Variants in TRPS1 observed in about 807,000 individuals in gnomAD.
The protein encoded by TRPS1 is transcriptional repressor GATA binding 1, also known as zinc finger transcription factor Trps1.
TRPS1 carries 6 observed loss-of-function variants against 101.2 expected under a neutral mutation model. The observed-to-expected ratio is 0.06, with a 90% confidence interval of 0.03 to 0.12. TRPS1 has a LOEUF of 0.12. Among genes scored for constraint, TRPS1 ranks in the 10% least tolerant of loss-of-function variants. The pLI is 1.00. For synonymous variants in TRPS1, 578 were observed against 589.8 expected (o/e 0.98, Z 0.29); for missense variants, 1,363 against 1,567.0 (o/e 0.87, Z 2.20).
rs151266519 is a variant in TRPS1 at position 115,489,420 on chromosome 8, G to A, written c.2701-70968C>T. Among the ~76,000 whole-genome samples the A allele has an allele frequency of 3.5e-3, 539 of 152,142 alleles. 7 individuals are homozygous for A. Among genetic ancestry groups the A allele is most frequent in the Non-Finnish European group, 5.3e-3 (357 of 67,990 alleles). On this transcript the variant is annotated intron_variant, in intron 5 of 6. Coordinates refer to ENST00000395715, the MANE Select transcript of TRPS1 (RefSeq NM_014112.5). The stretch of plus-strand genomic sequence containing the variant: ...GCAGAAAAAAACCACAGAATTTTTC[G>A]TGCAGTATGAAATCTTTCCCAGTTA...
At chr8:115,663,712 T>C (rs1405384487) in intron 1 of TRPS1, among the ~76,000 whole-genome samples, 1 of 130,032 alleles carries the variant, frequency 7.7e-6, no homozygotes, top group African/African-American at 3.8e-5. Context: ...ATTTGTGCTC[T>C]TGGAAAAGGA....
intron 2 of TRPS1, among the ~76,000 whole-genome samples, chr8:115,622,274 C>T (rs1319570744): frequency 2.0e-5 from 3 of 151,788 alleles, no homozygotes; most frequent in Admixed American, 2.0e-4. Context: ...TTTTAGGAGT[C>T]CTGTATTCTT....
At chr8:115,434,867 A>G (rs889083357) in intron 5 of TRPS1, among the ~76,000 whole-genome samples, 2 of 152,234 alleles carry the variant, frequency 1.3e-5, no homozygotes, top group Admixed American at 6.5e-5. Flanking sequence ...TATTTAATCA[A>G]TAAGGAAGAG....
intron 3 of TRPS1, among the ~76,000 whole-genome samples, chr8:115,612,937 A>C (rs1008412647): frequency 1.3e-5 from 2 of 152,168 alleles, no homozygotes; most frequent in Non-Finnish European, 2.9e-5. Context: ...TAAAACCTTA[A>C]TTACACAGCC....
intron 5 of TRPS1, among the ~76,000 whole-genome samples, chr8:115,463,741 T>TA (rs1431632159): frequency 6.6e-6 from 1 of 152,092 alleles, no homozygotes; most frequent in Non-Finnish European, 1.5e-5. Context: ...TTTAATAAAT[T>TA]AATATTTTGA....
intron 1 of TRPS1, among the ~76,000 whole-genome samples, chr8:115,658,131 C>T (rs995405491): frequency 3.9e-5 from 6 of 152,086 alleles, no homozygotes; most frequent in African/African-American, 1.4e-4. Flanking sequence ...CTAAAATCAA[C>T]GACATCATGC....
Position 115,587,898 on chromosome 8 carries a change from A to C in TRPS1, c.2097-294T>G, listed in dbSNP as rs1382341477. On this transcript the variant is annotated intron_variant, in intron 4 of 6. Coordinates refer to ENST00000395715, the MANE Select transcript of TRPS1 (RefSeq NM_014112.5). ...ACGCACGCTGCTCGTGCTTGTGCGC[A>C]TACATTCCAGGTGATTAGCATTAAA... Among the ~76,000 whole-genome samples the C allele has an allele frequency of 2.6e-5, 4 of 152,360 alleles. No homozygotes were observed. The East Asian group carries it at 7.7e-4, about 29-fold the overall frequency.
At chr8:115,664,415 T>C (rs1372854335) in intron 1 of TRPS1, among the ~76,000 whole-genome samples, 1 of 152,106 alleles carries the variant, frequency 6.6e-6, no homozygotes, top group Non-Finnish European at 1.5e-5. Context: ...AAAAATTCCA[T>C]AAATCATAAC....
At chr8:115,609,772 A>C (rs961826626) in intron 3 of TRPS1, among the ~76,000 whole-genome samples, 3 of 152,228 alleles carry the variant, frequency 2.0e-5, no homozygotes, top group South Asian at 2.1e-4. Flanking sequence ...GGCTTTTTAT[A>C]CTTGATTTTA....
chr8:115,578,304 C>T (rs913490206), intron 5 of TRPS1, among the ~76,000 whole-genome samples: 65 of 152,026 alleles, frequency 4.3e-4, no homozygotes, highest in African/African-American at 1.4e-3. Context: ...TATTTTATAC[C>T]TTAAAAATTA....
At chr8:115,533,276 C>T (rs1174327689) in intron 5 of TRPS1, among the ~76,000 whole-genome samples, 1 of 152,042 alleles carries the variant, frequency 6.6e-6, no homozygotes, top group Non-Finnish European at 1.5e-5. Flanking sequence ...TCCCACCACC[C>T]TCTGGTGAAT....
At chr8:115,459,342 T>TAATTAA (rs1344288793) in intron 5 of TRPS1, among the ~76,000 whole-genome samples, 1 of 151,760 alleles carries the variant, frequency 6.6e-6, no homozygotes, top group Non-Finnish European at 1.5e-5. Flanking sequence ...ATAATAATAA[T>TAATTAA]AATAATGATG....
At chr8:115,501,155 A>G (rs528200604) in intron 5 of TRPS1, among the ~76,000 whole-genome samples, 25 of 152,226 alleles carry the variant, frequency 1.6e-4, no homozygotes, top group Admixed American at 5.9e-4. Context: ...TAATACTAGA[A>G]TCTCAAATCA....
At chr8:115,578,805 C>T (rs1001329097) in intron 5 of TRPS1, among the ~76,000 whole-genome samples, 1 of 152,052 alleles carries the variant, frequency 6.6e-6, no homozygotes, top group Non-Finnish European at 1.5e-5. Context: ...CCAACTCTTT[C>T]GCAATAAGCA....
chr8:115,564,493 C>T (rs934094428), intron 5 of TRPS1, among the ~76,000 whole-genome samples: 3 of 152,030 alleles, frequency 2.0e-5, no homozygotes, highest in Non-Finnish European at 2.9e-5. Flanking sequence ...AAGCAAAAAT[C>T]AATTGTAACT....
In TRPS1 at chr8:115,478,129, T is replaced by A. The variant is rs368712383; in HGVS notation, c.2701-59677A>T. On this transcript the variant is annotated intron_variant, in intron 5 of 6. Transcript: ENST00000395715. Reference sequence around the variant, plus strand: ...TGCTGATTTAAAATTCTGATCTATATTGCCAAATAGATGCCTCAAAAGATA... The same window carrying A: ...TGCTGATTTAAAATTCTGATCTATAATGCCAAATAGATGCCTCAAAAGATA... Among the ~76,000 whole-genome samples, 14 of 152,200 alleles carry A rather than the reference T, an allele frequency of 9.2e-5. No homozygotes were observed. The East Asian group carries it at 1.3e-3, about 15-fold the overall frequency.
intron 5 of TRPS1, among the ~76,000 whole-genome samples, chr8:115,478,105 G>A (rs1814650512): frequency 1.3e-5 from 2 of 152,124 alleles, no homozygotes; most frequent in Non-Finnish European, 2.9e-5. Context: ...AACAAAGTAT[G>A]CTGATTTAAA....
At chr8:115,599,184 A>G (rs1336726222) in intron 4 of TRPS1, among the ~76,000 whole-genome samples, 1 of 152,042 alleles carries the variant, frequency 6.6e-6, no homozygotes, top group Non-Finnish European at 1.5e-5. Flanking sequence ...TCTCTTAAAT[A>G]TTCTGTCTAA....
At chr8:115,500,177 G>A (rs1563556002) in intron 5 of TRPS1, among the ~76,000 whole-genome samples, 1 of 151,658 alleles carries the variant, frequency 6.6e-6, no homozygotes, top group Non-Finnish European at 1.5e-5. Context: ...TTATAGGCAC[G>A]CAGCACCACG....
Sources: allele counts gnomAD v4.1 joint callset (sites outside exome capture counted in the v4.1 genomes callset), GRCh38; gene constraint gnomAD v4.1.1; transcripts MANE v1.5; gene names NCBI Gene and HGNC (gene_info 2026-07-23, HGNC 2026-07-21).